Variants in SAMHD1 observed in about 807,000 individuals in gnomAD.
SAMHD1 encodes the protein deoxynucleoside triphosphate triphosphohydrolase SAMHD1.
A neutral mutation model predicts 79.6 loss-of-function variants in SAMHD1; 54 were observed. That is an observed-to-expected ratio of 0.68 (90% confidence interval 0.55 to 0.85). The LOEUF is 0.85. Among genes scored for constraint, SAMHD1 ranks in the 40% least tolerant of loss-of-function variants. SAMHD1 has a pLI of 0.00. For synonymous variants in SAMHD1, 260 were observed against 264.1 expected (o/e 0.98, Z 0.15); for missense variants, 663 against 782.7 (o/e 0.85, Z 1.82).
At chr20:36,927,748 G>A (rs2063545517) in intron 5 of SAMHD1, among the ~76,000 whole-genome samples, 1 of 152,130 alleles carries the variant, frequency 6.6e-6, no homozygotes, top group South Asian at 2.1e-4. Flanking sequence ...GCAGAAACAT[G>A]GAAAAGTAAG....
Position 36,921,637 on chromosome 20 carries a change from G to T in SAMHD1, c.697-2118C>A, listed in dbSNP as rs1229107348. ...TCACCTCCTGGGCTCCCGGGCTCAA[G>T]CAATTCTCCTTCCTCAGCCTCCCAA... On this transcript the variant is annotated intron_variant, in intron 6 of 15. Coordinates refer to ENST00000646673, the MANE Select transcript of SAMHD1 (RefSeq NM_015474.4). Among the ~76,000 whole-genome samples, 4 of 151,154 alleles carry T rather than the reference G, an allele frequency of 2.6e-5. No individual in the cohort carries two copies. In the East Asian group the frequency reaches 7.8e-4, roughly 29 times the overall value.
intron 11 of SAMHD1, among the ~76,000 whole-genome samples, chr20:36,910,598 G>T (rs1465880842): frequency 1.3e-5 from 2 of 151,216 alleles, no homozygotes; most frequent in African/African-American, 4.9e-5. Context: ...GGCATGGTGG[G>T]GCATGCCTAT....
intron 4 of SAMHD1, among the ~76,000 whole-genome samples, chr20:36,931,491 G>T (rs549975076): frequency 6.6e-6 from 1 of 152,094 alleles, no homozygotes; most frequent in African/African-American, 2.4e-5. Context: ...ACAAAAATTA[G>T]CTCAGCATGG....
chr20:36,894,561 G>A (rs961609085), intron 15 of SAMHD1, among the ~76,000 whole-genome samples: 1 of 151,442 alleles, frequency 6.6e-6, no homozygotes, highest in Non-Finnish European at 1.5e-5. Flanking sequence ...GAGGTCGGGA[G>A]TTCAAGACCA....
intron 3 of SAMHD1, among the ~76,000 whole-genome samples, chr20:36,939,075 CAAAA>C (rs1178988134): frequency 1.8e-4 from 4 of 22,532 alleles, no homozygotes; most frequent in Admixed American, 9.0e-4. Flanking sequence ...CTAAAAATAC[CAAAA>C]AAAAAAAAAA....
At chr20:36,919,289 A>G (rs556641285) in intron 7 of SAMHD1, 75 bp downstream of exon 7, 8 of 1,421,498 alleles carry the variant, frequency 5.6e-6, no homozygotes, top group African/African-American at 1.4e-5. Flanking sequence ...AGCCAAATGT[A>G]TAACTCAGAA....
At chr20:36,894,466 C>CGTGATCCGCCCACCTCGGCCTCCCA (rs1990160295) in intron 15 of SAMHD1, among the ~76,000 whole-genome samples, 1 of 151,958 alleles carries the variant, frequency 6.6e-6, no homozygotes, top group Non-Finnish European at 1.5e-5. Flanking sequence ...CTCCTGACCT[C>CGTGATCCGCCCACCTCGGCCTCCCA]AGTAAAGGCA....
chr20:36,919,590 T>C, intron 6 of SAMHD1, 71 bp from the exon 7 acceptor site: 1 of 1,364,108 alleles, frequency 7.3e-7, no homozygotes. Flanking sequence ...AACAAAATTA[T>C]CCTCAATTCC....
chr20:36,915,115 G>A (rs2063467371), intron 9 of SAMHD1, among the ~76,000 whole-genome samples: 1 of 152,150 alleles, frequency 6.6e-6, no homozygotes, highest in South Asian at 2.1e-4. Flanking sequence ...AGACTGAGGT[G>A]GATGGGTTGC....
At chr20:36,896,563 A>G (rs779244571) in intron 15 of SAMHD1, among the ~76,000 whole-genome samples, 20 of 151,980 alleles carry the variant, frequency 1.3e-4, no homozygotes, top group Admixed American at 3.9e-4. Flanking sequence ...CTGGCTGGGC[A>G]TGGTGGCTCA....
intron 11 of SAMHD1, among the ~76,000 whole-genome samples, chr20:36,906,891 A>C (rs1271399060): frequency 6.6e-6 from 1 of 151,688 alleles, no homozygotes; most frequent in Non-Finnish European, 1.5e-5. Context: ...TCCTAGGTTC[A>C]AGTGATTCTC....
intron 9 of SAMHD1, among the ~76,000 whole-genome samples, chr20:36,913,534 C>T (rs1471387354): frequency 6.7e-6 from 1 of 148,616 alleles, no homozygotes; most frequent in African/African-American, 2.5e-5. Flanking sequence ...ACCCAGGAGG[C>T]GGAGGTTGCA....
Position 36,916,914 on chromosome 20 carries a change from T to G in SAMHD1, c.953+35A>C, listed in dbSNP as rs201388582. On this transcript the variant is annotated intron_variant, in intron 8 of 15. Coordinates refer to ENST00000646673, the MANE Select transcript of SAMHD1 (RefSeq NM_015474.4). ...TAGTAATACTAAATTTATATAAATATTTTAGCCAACTTTTCAGAAGTGTTC... is the reference window on the plus strand; with the variant it reads ...TAGTAATACTAAATTTATATAAATAGTTTAGCCAACTTTTCAGAAGTGTTC... 2.5e-5 allele frequency: 40 copies of G among 1,577,594 alleles called. No individual in the cohort carries two copies. In the African/African-American group the frequency reaches 4.9e-4, roughly 19 times the overall value.
intron 2 of SAMHD1, 126 bp from the exon 3 acceptor site, chr20:36,941,237 A>T: frequency 5.5e-6 from 4 of 724,762 alleles, no homozygotes; most frequent in Non-Finnish European, 9.8e-6. Context: ...AGGAACAATC[A>T]ATAATTCAAA....
intron 1 of SAMHD1, among the ~76,000 whole-genome samples, chr20:36,947,465 G>C (rs1441787805): frequency 2.5e-5 from 3 of 120,498 alleles, no homozygotes; most frequent in Non-Finnish European, 5.0e-5. Flanking sequence ...TCAATACTCT[G>C]ATTTGGAAGA....
At chr20:36,916,564 A>T (rs2063477074) in intron 9 of SAMHD1, 158 bp downstream of exon 9, 1 of 669,640 alleles carries the variant, frequency 1.5e-6, no homozygotes, top group Non-Finnish European at 2.7e-6. Flanking sequence ...ATTATTTAAT[A>T]ATGCAGTAGA....
At chr20:36,897,698 T>C (rs1197282307) in intron 15 of SAMHD1, 124 bp downstream of exon 15, 7 of 1,092,888 alleles carry the variant, frequency 6.4e-6, no homozygotes, top group African/African-American at 1.6e-5. Context: ...TGAAAGACCT[T>C]ATTTTCAAAA....
At chr20:36,890,067 G>C (rs539835258), downstream of SAMHD1, 1 of 152,242 alleles carries the variant, frequency 6.6e-6, no homozygotes, top group Admixed American at 6.5e-5. Flanking sequence ...CCTCTGGCCT[G>C]CTGCAGAATG....
intron 9 of SAMHD1, 149 bp downstream of exon 9, chr20:36,916,573 G>T: frequency 1.4e-6 from 1 of 719,584 alleles, no homozygotes. Flanking sequence ...TAATGCAGTA[G>T]AAGGGAAGAG....
Sources: allele counts gnomAD v4.1 joint callset (sites outside exome capture counted in the v4.1 genomes callset), GRCh38; gene constraint gnomAD v4.1.1; transcripts MANE v1.5; gene names NCBI Gene and HGNC (gene_info 2026-07-23, HGNC 2026-07-21).